Variants in MMS22L observed in about 807,000 individuals in gnomAD.
MMS22L encodes the protein MMS22 like, DNA repair protein.
Under a neutral mutation model 159.1 loss-of-function variants are expected in MMS22L, and 74 were observed. That is an observed-to-expected ratio of 0.47 (90% CI 0.39 to 0.56). The LOEUF (loss-of-function observed/expected upper bound fraction) is 0.56, where lower values mean the gene tolerates loss of function less well. Among genes scored for constraint, MMS22L ranks in the 20% least tolerant of loss-of-function variants. The pLI is 0.00. For synonymous variants in MMS22L, 517 were observed against 506.9 expected (o/e 1.02, Z -0.27); for missense variants, 1,351 against 1,422.1 (o/e 0.95, Z 0.80).
Position 97,281,370 on chromosome 6 carries a change from G to C in MMS22L, c.165-8C>G. 1 of 1,586,720 alleles carries C rather than the reference G, an allele frequency of 6.3e-7. No individual in the cohort carries two copies. ...TCAAGATTCAAAATCAATCTGAAAT[G>C]AAAATTGTTTCAATCTCATAAAAAG... On this transcript the variant is annotated splice_polypyrimidine_tract_variant and splice_region_variant and intron_variant, in intron 2 of 24. Coordinates refer to ENST00000683635, the MANE Select transcript of MMS22L (RefSeq NM_001350599.2).
intron 14 of MMS22L, among the ~76,000 whole-genome samples, chr6:97,196,071 C>T (rs993124353): frequency 5.3e-5 from 8 of 151,978 alleles, no homozygotes; most frequent in South Asian, 2.1e-4. Context: ...GACCTAGAGT[C>T]GAAGAGTACA....
intron 22 of MMS22L, among the ~76,000 whole-genome samples, chr6:97,156,767 T>G (rs1801895567): frequency 6.6e-6 from 1 of 152,182 alleles, no homozygotes. Context: ...GCCTCCTGCT[T>G]TGTTCTTTTT....
rs768469542 is a variant in MMS22L, at chr6:97,146,774, T to C, written c.*32A>G. ...GGAACAATGTGGCTTTAGATACTGA[T>C]AATTAATAGACAGGATGAATCACAA... is the stretch of plus-strand genomic sequence containing the variant. On this transcript the variant is annotated 3_prime_UTR_variant, in exon 25 of 25. Coordinates refer to ENST00000683635, the MANE Select transcript of MMS22L (RefSeq NM_001350599.2). The C allele has an allele frequency of 3.6e-6, 5 of 1,381,356 alleles. No homozygotes were observed. The African/African-American group carries it at 7.4e-5, about 20-fold the overall frequency. 85.6% of individuals were successfully genotyped at this position (1,381,356 alleles called of 1,614,324 possible). A position where few individuals can be genotyped will look rare whatever the true frequency, so the allele number is the denominator to read the frequency against.
chr6:97,230,629 A>G (rs1313563401), intron 13 of MMS22L: 1 of 152,208 alleles, frequency 6.6e-6, no homozygotes, highest in Admixed American at 6.5e-5. Context: ...TTTTAGCCAT[A>G]AAGTTCTGAG....
chr6:97,185,748 A>T (rs1287990165), intron 15 of MMS22L, among the ~76,000 whole-genome samples: 2 of 152,158 alleles, frequency 1.3e-5, no homozygotes, highest in African/African-American at 4.8e-5. Flanking sequence ...ATATTGGTTT[A>T]AATCTTAGGT....
intron 9 of MMS22L, chr6:97,260,327 C>A (rs1248298129): frequency 6.6e-6 from 1 of 152,134 alleles, no homozygotes; most frequent in Non-Finnish European, 1.5e-5. Flanking sequence ...GCCTACCTTC[C>A]ATCTCAACCA....
intron 18 of MMS22L, among the ~76,000 whole-genome samples, chr6:97,176,066 C>G (rs1345379352): frequency 6.6e-6 from 1 of 152,104 alleles, no homozygotes; most frequent in Non-Finnish European, 1.5e-5. Flanking sequence ...TACATGTACT[C>G]AAGAGTCAAA....
At chr6:97,256,669 G>C (rs1813843736) in intron 9 of MMS22L, among the ~76,000 whole-genome samples, 1 of 152,098 alleles carries the variant, frequency 6.6e-6, no homozygotes, top group African/African-American at 2.4e-5. Context: ...GTACTATATT[G>C]GCCAGCTGTG....
chr6:97,205,732 G>C (rs938588309), intron 14 of MMS22L, among the ~76,000 whole-genome samples: 2 of 152,184 alleles, frequency 1.3e-5, no homozygotes, highest in Admixed American at 1.3e-4. Flanking sequence ...CAGACAGCAT[G>C]CAAAAATGAC....
In MMS22L at chr6:97,143,540, G is replaced by C. The variant is rs1800735640; in HGVS notation, c.*3266C>G. On this transcript the variant is annotated 3_prime_UTR_variant, in exon 25 of 25. Transcript: ENST00000683635. The stretch of plus-strand genomic sequence containing the variant: ...ACATTTCAGAACATAAGCTGTAGGA[G>C]AAGAAACCAGAGGTAAGGAAATAAG... 1 of 152,190 alleles carries C rather than the reference G, an allele frequency of 6.6e-6. No homozygotes were observed. The allele number at this position is 152,190 out of a possible 1,614,324, so 9.4% of individuals were successfully genotyped here.
chr6:97,216,593 C>G (rs755456798), intron 14 of MMS22L, among the ~76,000 whole-genome samples: 1 of 152,160 alleles, frequency 6.6e-6, no homozygotes, highest in African/African-American at 2.4e-5. Context: ...CAATCTGTCA[C>G]GAATGGGATT....
intron 24 of MMS22L, 149 bp downstream of exon 24, chr6:97,149,703 TA>T: frequency 1.4e-6 from 1 of 720,634 alleles, no homozygotes; most frequent in Non-Finnish European, 2.1e-6. Flanking sequence ...TCACACTTTG[TA>T]AAACTGATAA....
chr6:97,245,825 T>A (rs1281247410), intron 11 of MMS22L, among the ~76,000 whole-genome samples: 1 of 147,502 alleles, frequency 6.8e-6, no homozygotes, highest in African/African-American at 2.5e-5. Context: ...GCAATTAAAA[T>A]TTTTCCAAAG....
In MMS22L at chr6:97,211,533, G is replaced by T. The variant is rs1808372225; in HGVS notation, c.2039+17361C>A. ...TATACCTCAAAAGTGTAATGCATTA[G>T]AAAAAAAGGAAGTTGCACAGCTCTA... On this transcript the variant is annotated intron_variant, in intron 14 of 24. Transcript: ENST00000683635. Among the ~76,000 whole-genome samples, 3 of 151,862 alleles carry T rather than the reference G, an allele frequency of 2.0e-5. No homozygotes were observed. The South Asian group carries it at 6.2e-4, about 31-fold the overall frequency.
intron 14 of MMS22L, among the ~76,000 whole-genome samples, chr6:97,204,932 AGT>A (rs1312035889): frequency 1.5e-5 from 2 of 135,042 alleles, no homozygotes; most frequent in Non-Finnish European, 3.2e-5. Flanking sequence ...GGCCATGTAC[AGT>A]GTCTTTTTTT....
At chr6:97,228,825 TTAATA>T (rs1452402845) in intron 14 of MMS22L, 64 bp downstream of exon 14, 6 of 1,416,998 alleles carry the variant, frequency 4.2e-6, no homozygotes, top group Non-Finnish European at 3.8e-6. Flanking sequence ...ATATATAACT[TTAATA>T]TAAAATCCAC....
At chr6:97,205,881 A>G (rs1236809140) in intron 14 of MMS22L, among the ~76,000 whole-genome samples, 1 of 152,204 alleles carries the variant, frequency 6.6e-6, no homozygotes, top group Non-Finnish European at 1.5e-5. Context: ...AGTGAGAAAT[A>G]TGGAAACCGT....
intron 4 of MMS22L, among the ~76,000 whole-genome samples, chr6:97,273,414 T>C (rs1308812604): frequency 6.6e-6 from 1 of 152,162 alleles, no homozygotes; most frequent in Non-Finnish European, 1.5e-5. Flanking sequence ...CTATTATTAA[T>C]ATGGTCTCTT....
chr6:97,159,145 G>C (rs369704659), intron 22 of MMS22L, among the ~76,000 whole-genome samples: 1 of 105,738 alleles, frequency 9.5e-6, no homozygotes, highest in Non-Finnish European at 2.0e-5. Context: ...TTTTTTTTTT[G>C]CTTTCCATTT....
Sources: gnomAD v4.1 joint callset for allele counts (sites outside exome capture counted in the v4.1 genomes callset) on GRCh38, gnomAD v4.1.1 for gene constraint, MANE v1.5 for transcripts, NCBI Gene and HGNC (gene_info 2026-07-23, HGNC 2026-07-21) for gene names.